Variants in KIF1A observed in about 807,000 individuals in gnomAD.
KIF1A encodes the protein kinesin-like protein KIF1A.
Under a neutral mutation model 227.3 loss-of-function variants are expected in KIF1A, and 46 were observed. That is an observed-to-expected ratio of 0.20 (90% CI 0.16 to 0.26). The LOEUF is 0.26. KIF1A is among the 10% of genes least tolerant of loss of function. KIF1A has a pLI of 1.00. For missense variants in KIF1A, 1,683 were observed against 2,485.9 expected (o/e 0.68, Z 6.87); for synonymous variants, 1,022 against 1,012.8 (o/e 1.01, Z -0.17).
chr2:240,762,413 C>T (rs1184987335), intron 23 of KIF1A, among the ~76,000 whole-genome samples: 4 of 152,238 alleles, frequency 2.6e-5, no homozygotes, highest in Non-Finnish European at 5.9e-5. Flanking sequence ...CATCATCCAG[C>T]CACTCCTGTT....
At position 240,781,938 on chromosome 2, in the gene KIF1A, CTG is replaced by C. The variant is rs2054082382; in HGVS notation, c.882+650_882+651del. ...AGCTCTTCACAATTCACACAGTTCT[CTG>C]TCCCCACACAGCCACCGCCGAGTTC... On this transcript the variant is annotated intron_variant, in intron 10 of 48. Transcript: ENST00000498729. 5.1e-6 allele frequency: 5 copies of C among 985,430 alleles called. No homozygotes were observed. The African/African-American group carries it at 8.7e-5, about 17-fold the overall frequency. The allele number at this position is 985,430 out of a possible 1,614,324, so 61.0% of individuals were successfully genotyped here. A position where few individuals can be genotyped will look rare whatever the true frequency, so the allele number is the denominator to read the frequency against.
At chr2:240,720,268 AC>A in intron 45 of KIF1A, 3 of 202,460 alleles carry the variant, frequency 1.5e-5, no homozygotes, top group Non-Finnish European at 3.0e-5. Flanking sequence ...CATCTCCACA[AC>A]TAGACTGAAG....
At chr2:240,776,119 G>A (rs1447356112) in intron 10 of KIF1A, among the ~76,000 whole-genome samples, 193 bp from the exon 11 acceptor site, 1 of 152,184 alleles carries the variant, frequency 6.6e-6, no homozygotes, top group South Asian at 2.1e-4. Flanking sequence ...CACCCCAGAG[G>A]CCTCCTCTAG....
At chr2:240,767,423 C>T (rs1018690838) in intron 17 of KIF1A, 78 bp from the exon 18 acceptor site, 2 of 1,199,670 alleles carry the variant, frequency 1.7e-6, no homozygotes, top group South Asian at 1.3e-5. Context: ...TCCAACCTCT[C>T]TCCAGGCACC....
At chr2:240,782,010 G>A (rs1032268807) in intron 10 of KIF1A, 3 of 985,342 alleles carry the variant, frequency 3.0e-6, no homozygotes, top group Admixed American at 1.2e-4. Flanking sequence ...CCGTGGTGGC[G>A]CCCGCCCTGT....
chr2:240,719,664 C>T (rs764884973), intron 46 of KIF1A, 110 bp downstream of exon 46: 1 of 1,283,632 alleles, frequency 7.8e-7, no homozygotes, highest in Non-Finnish European at 1.0e-6. Flanking sequence ...ACCTGTCTGT[C>T]TCCCCAAGTA....
Position 240,792,197 on chromosome 2 carries a change from C to T in KIF1A, c.107-2885G>A, listed in dbSNP as rs1288754821. On this transcript the variant is annotated intron_variant, in intron 2 of 48. Transcript: ENST00000498729. The surrounding 1 kb of genome is among the most constrained non-coding windows in gnomAD (Gnocchi z 4.5). ...CTGAGGTCCGCCAGGCCTGTGGAGA[C>T]AGGCAGCCCCTCCTTCAGCAGCCTG... is the stretch of plus-strand genomic sequence containing the variant. Among the ~76,000 whole-genome samples the T allele has an allele frequency of 2.0e-5, 3 of 152,210 alleles. No homozygotes were observed. Among genetic ancestry groups the T allele is most frequent in the Non-Finnish European group, 4.4e-5 (3 of 68,032 alleles).
At chr2:240,819,496 C>A (rs1258696018) in intron 1 of KIF1A, among the ~76,000 whole-genome samples, 1 of 152,132 alleles carries the variant, frequency 6.6e-6, no homozygotes. Context: ...GGTGGCCAGG[C>A]CCCAACGCCG....
At chr2:240,723,281 G>A (rs2045624765) in intron 42 of KIF1A, 132 bp downstream of exon 42, 2 of 796,960 alleles carry the variant, frequency 2.5e-6, no homozygotes, top group Non-Finnish European at 3.9e-6. Flanking sequence ...CCTCCTGCAG[G>A]TGGCTGTGAC....
At chr2:240,762,606 C>G in intron 23 of KIF1A, 113 bp downstream of exon 23, 1 of 1,379,262 alleles carries the variant, frequency 7.3e-7, no homozygotes, top group Non-Finnish European at 9.4e-7. Flanking sequence ...GAGACAGGTC[C>G]AGACCCCAGG....
chr2:240,738,321 C>A (rs1485681180), intron 37 of KIF1A, among the ~76,000 whole-genome samples: 1 of 152,206 alleles, frequency 6.6e-6, no homozygotes, highest in South Asian at 2.1e-4. Context: ...CTTTGACTCC[C>A]TCCCCTGCCT....
chr2:240,728,526 C>A, intron 38 of KIF1A: 1 of 624,698 alleles, frequency 1.6e-6, no homozygotes, highest in Non-Finnish European at 2.7e-6. Flanking sequence ...GGCAGGTGCA[C>A]GCCGGATCTC....
chr2:240,762,652 C>G (rs933803280), intron 23 of KIF1A, 67 bp downstream of exon 23: 5 of 1,458,106 alleles, frequency 3.4e-6, no homozygotes, highest in Non-Finnish European at 4.6e-6. Flanking sequence ...AGGGAGAGGC[C>G]CAGGGCTGCC....
At position 240,802,482 on chromosome 2, in the gene KIF1A, C is replaced by T. The variant is rs374823068; in HGVS notation, c.-60-4670G>A. ...TATGAATTAAATACACCAAGTAAAA[C>T]ATTAAAAATTGTCAGACCAGATTTT... On this transcript the variant is annotated intron_variant, in intron 1 of 48. Coordinates refer to ENST00000498729, the MANE Select transcript of KIF1A (RefSeq NM_001244008.2). 5.9e-5 allele frequency among the ~76,000 whole-genome samples: 9 copies of T among 152,258 alleles called. No homozygotes were observed. The East Asian group carries it at 1.3e-3, about 23-fold the overall frequency.
At chr2:240,735,769 C>G (rs1331018299) in intron 38 of KIF1A, among the ~76,000 whole-genome samples, 2 of 152,178 alleles carry the variant, frequency 1.3e-5, no homozygotes, top group Non-Finnish European at 2.9e-5. Flanking sequence ...CACGGGGAAG[C>G]CCCAAGCCCC....
At position 240,761,384 on chromosome 2, in the gene KIF1A, G is replaced by A. The variant is rs754838063; in HGVS notation, c.2117-7C>T. The A allele has an allele frequency of 6.3e-7, 1 of 1,590,690 alleles. No homozygotes were observed. ...TCCCGCTCTGTCCACTGGACTGTGG[G>A]GAGAGGTCACACGTGGTCATCGCAG... On this transcript the variant is annotated splice_region_variant and splice_polypyrimidine_tract_variant and intron_variant, in intron 23 of 48. Coordinates refer to ENST00000498729, the MANE Select transcript of KIF1A (RefSeq NM_001244008.2).
chr2:240,774,898 C>T (rs1468296321), intron 11 of KIF1A, among the ~76,000 whole-genome samples: 1 of 152,144 alleles, frequency 6.6e-6, no homozygotes, highest in East Asian at 1.9e-4. Context: ...ACTGTGTATC[C>T]TCAGGGCCAT....
rs765812659 is a variant in KIF1A at position 240,763,259 on chromosome 2, G to A, written c.1856C>T (p.Ala619Val). ...ARQERERTPC[A>V]ETPAEPVDWA... ...GTCCACAGGCTCAGCTGGCGTCTCC[G>A]CACAAGGCGTGCGCTCACGCTCCTG... is the stretch of plus-strand genomic sequence containing the variant. The change falls in exon 21 of 49, where the codon GCG (alanine) becomes GTG (valine). Residue 619 changes from alanine (A) to valine (V), a missense_variant. This residue lies in a region of KIF1A where 217 missense variants were observed against 427.0 expected (regional missense o/e 0.51). Transcript: ENST00000498729. 86 of 1,611,958 alleles carry A rather than the reference G, an allele frequency of 5.3e-5. No individual in the cohort carries two copies. The highest frequency in any genetic ancestry group is 3.3e-4 in the Middle Eastern group (2 of 6,082).
intron 2 of KIF1A, among the ~76,000 whole-genome samples, chr2:240,795,550 C>T (rs972423290): frequency 6.6e-6 from 1 of 152,244 alleles, no homozygotes; most frequent in Admixed American, 6.5e-5. Flanking sequence ...GCCGGCGCAG[C>T]CTCAGCCAGA....
Sources: gnomAD v4.1 joint callset for allele counts (sites outside exome capture counted in the v4.1 genomes callset) on GRCh38, gnomAD v4.1.1 for gene constraint, gnomAD v4.1.1 regional missense constraint, Gnocchi (gnomAD v3.1) non-coding constraint, MANE v1.5 for transcripts, NCBI Gene and HGNC (gene_info 2026-07-23, HGNC 2026-07-21) for gene names.